ZNF568: variants seen among roughly 807,000 people sequenced by gnomAD.
ZNF568 encodes the protein zinc finger protein 568.
A neutral mutation model predicts 18.1 loss-of-function variants in ZNF568; 11 were observed. That is an observed-to-expected ratio of 0.61 (90% CI 0.38 to 1.00). The LOEUF (loss-of-function observed/expected upper bound fraction) is 1.00, where lower values mean the gene tolerates loss of function less well. Ranked by LOEUF, ZNF568 falls within the 50% of genes least tolerant of loss-of-function variation. The pLI, the probability that ZNF568 is intolerant of heterozygous loss-of-function variation, is 0.01. For missense variants in ZNF568, 639 were observed against 768.2 expected (o/e 0.83, Z 1.99); for synonymous variants, 213 against 246.6 (o/e 0.86, Z 1.28).
chr19:36,990,772 G>A (rs2074416993), intron 2 of ZNF568, among the ~76,000 whole-genome samples: 1 of 152,140 alleles, frequency 6.6e-6, no homozygotes, highest in Non-Finnish European at 1.5e-5. Flanking sequence ...AAGAATTTTT[G>A]GTGATGTAGA....
chr19:36,955,048 T>TTTTGTA (rs1249931382), downstream of ZNF568, among the ~76,000 whole-genome samples: 7 of 151,882 alleles, frequency 4.6e-5, no homozygotes, highest in Admixed American at 6.6e-5. Flanking sequence ...CCCGGCTAAT[T>TTTTGTA]TTTGTATTTT....
intron 4 of ZNF568, chr19:36,996,204 C>T (rs904224952): frequency 2.4e-5 from 20 of 839,242 alleles, no homozygotes; most frequent in East Asian, 1.4e-4. Context: ...TTTGTAATTG[C>T]AGTGTAAAGA....
chr19:36,997,280 C>T (rs758207423), downstream of ZNF568: 2 of 1,602,432 alleles, frequency 1.2e-6, no homozygotes, highest in African/African-American at 1.3e-5. Context: ...AGTGTCCATA[C>T]TGGGGAGAAA....
chr19:36,936,445 T>C (rs2073791700), intron 4 of ZNF568, among the ~76,000 whole-genome samples: 1 of 152,222 alleles, frequency 6.6e-6, no homozygotes, highest in South Asian at 2.1e-4. Flanking sequence ...CCAAATTTGC[T>C]CTGAAGATTC....
intron 4 of ZNF568, among the ~76,000 whole-genome samples, chr19:36,929,552 G>A (rs111444440): frequency 1.8e-3 from 276 of 152,050 alleles, no homozygotes; most frequent in African/African-American, 6.0e-3. Context: ...GGGTGTGGTC[G>A]TACACACCTG....
chr19:36,997,392 AT>A, downstream of ZNF568: 1 of 1,590,148 alleles, frequency 6.3e-7, no homozygotes, highest in Non-Finnish European at 8.6e-7. Flanking sequence ...AGTGTAAGGA[AT>A]GTGAAAAGGC....
chr19:36,955,111 C>G (rs1175678817), downstream of ZNF568, among the ~76,000 whole-genome samples: 3 of 151,994 alleles, frequency 2.0e-5, no homozygotes, highest in African/African-American at 7.2e-5. Context: ...AGCCACCATG[C>G]CCAGCCTGTA....
chr19:36,949,867 T>C lies in ZNF568; in HGVS notation c.714T>C (p.Ile238=). The change falls in exon 7 of 7, where the codon ATT becomes ATC. Residue 238 remains isoleucine, a synonymous_variant. Transcript: ENST00000333987. ...ACTTCAGTCATAAATTTGACCTCAT[T>C]AGACATGAGCGAATTCATGCTGGAG... The part of the protein sequence containing the change: ...GQDFSHKFDL[I]RHERIHAGEK... 6.2e-7 allele frequency: 1 copy of C among 1,614,002 alleles called. No homozygotes were observed. Among genetic ancestry groups the C allele is most frequent in the Non-Finnish European group, 8.5e-7 (1 of 1,179,950 alleles).
At chr19:36,945,063 C>T (rs1416323214) in intron 6 of ZNF568, among the ~76,000 whole-genome samples, 1 of 151,126 alleles carries the variant, frequency 6.6e-6, no homozygotes, top group East Asian at 1.9e-4. Flanking sequence ...AAAATATGTA[C>T]ATGATTTTAT....
At chr19:36,919,356 A>G (rs1018934135) in intron 2 of ZNF568, among the ~76,000 whole-genome samples, 29 of 152,204 alleles carry the variant, frequency 1.9e-4, no homozygotes, top group African/African-American at 6.5e-4. Flanking sequence ...ATATACATAC[A>G]TGACAGTGGT....
chr19:36,983,023 TG>T (rs1230558964), downstream of ZNF568, among the ~76,000 whole-genome samples: 3 of 152,216 alleles, frequency 2.0e-5, no homozygotes, highest in Non-Finnish European at 4.4e-5. Flanking sequence ...CATTTTTAAA[TG>T]GTTGGGGGAA....
At chr19:36,997,458 AC>A, downstream of ZNF568, 1 of 1,588,108 alleles carries the variant, frequency 6.3e-7, no homozygotes, top group Non-Finnish European at 8.5e-7. Flanking sequence ...CTGGGGAGAG[AC>A]CCCATAAGTG....
At chr19:36,935,362 C>T (rs754317887) in intron 4 of ZNF568, among the ~76,000 whole-genome samples, 3 of 151,930 alleles carry the variant, frequency 2.0e-5, no homozygotes, top group Non-Finnish European at 4.4e-5. Context: ...GAGTTAAAGA[C>T]CAGCCTGGCC....
chr19:36,948,236 T>G (rs1445059072), intron 6 of ZNF568, among the ~76,000 whole-genome samples: 1 of 152,196 alleles, frequency 6.6e-6, no homozygotes, highest in Non-Finnish European at 1.5e-5. Context: ...AGGTGGCCTT[T>G]TCCAATGGGT....
rs758800069 is a variant in ZNF568 at position 36,985,833 on chromosome 19, A to T, written c.10-5343A>T. Among the ~76,000 whole-genome samples the T allele has an allele frequency of 1.3e-3, 198 of 152,138 alleles. 1 individual carries two copies. Among genetic ancestry groups the T allele is most frequent in the Middle Eastern group, 3.4e-3 (1 of 294 alleles). The stretch of plus-strand genomic sequence containing the variant: ...CCTCTACACCTGGCCATTTTTTTTT[A>T]AATTTGATTTTTTGTTTAGGCAAAA... On this transcript the variant is annotated intron_variant, in intron 2 of 4. Transcript: ENST00000433993.
chr19:36,942,613 A>AG (rs1411910023), intron 6 of ZNF568, among the ~76,000 whole-genome samples: 2 of 149,528 alleles, frequency 1.3e-5, no homozygotes, highest in Non-Finnish European at 3.0e-5. Context: ...AAAAAAAAAA[A>AG]AAAAGAAGAA....
Position 36,972,037 on chromosome 19 carries a change from G to GT in ZNF568, c.359-2381dup, listed in dbSNP as rs75337772. On this transcript the variant is annotated intron_variant, in intron 6 of 7. Coordinates refer to the ZNF568 transcript ENST00000427117. ...TTTAGTAGAGACAGGGTTTCACCAT[G>GT]TTGGCCAGGATGGTCTTGATCTCTT... 1.8e-3 allele frequency among the ~76,000 whole-genome samples: 269 copies of GT among 151,994 alleles called. 7 individuals carry two copies. The East Asian group carries it at 0.046, about 26-fold the overall frequency.
chr19:36,975,389 C>T (rs2074274798), intron 7 of ZNF568, among the ~76,000 whole-genome samples: 1 of 149,624 alleles, frequency 6.7e-6, no homozygotes, highest in Admixed American at 6.7e-5. Context: ...CCTCGTGATC[C>T]GCCCGCCTAG....
chr19:36,991,437 C>A, intron 3 of ZNF568: 1 of 1,190,622 alleles, frequency 8.4e-7, no homozygotes, highest in Non-Finnish European at 1.1e-6. Context: ...TCTTGCTCAC[C>A]AAAAGAATGG....
Sources: allele counts gnomAD v4.1 joint callset (sites outside exome capture counted in the v4.1 genomes callset), GRCh38; gene constraint gnomAD v4.1.1; transcripts MANE v1.5; gene names NCBI Gene and HGNC (gene_info 2026-07-23, HGNC 2026-07-21).